Variants in SMIM35 observed in about 807,000 individuals in gnomAD.
SMIM35 encodes TMPRSS4 antisense RNA 1 (non-protein coding).
intron 1 of SMIM35, among the ~76,000 whole-genome samples, chr11:118,033,248 A>G (rs1358499274): frequency 6.6e-6 from 1 of 152,208 alleles, no homozygotes; most frequent in Non-Finnish European, 1.5e-5. Flanking sequence ...CAGACTTCAA[A>G]ACAGTTTTGT....
chr11:118,078,930 T>C (rs746288659), intron 1 of SMIM35, among the ~76,000 whole-genome samples: 1 of 152,106 alleles, frequency 6.6e-6, no homozygotes, highest in African/African-American at 2.4e-5. Flanking sequence ...CTGGAAACCA[T>C]GAAGCCCCGC....
At chr11:118,058,229 T>A (rs941669266) in intron 1 of SMIM35, among the ~76,000 whole-genome samples, 1 of 152,130 alleles carries the variant, frequency 6.6e-6, no homozygotes, top group Non-Finnish European at 1.5e-5. Context: ...AAGCGGAGCA[T>A]GCATTGGCTG....
At chr11:118,034,287 C>A (rs530287975) in intron 1 of SMIM35, among the ~76,000 whole-genome samples, 171 of 151,848 alleles carry the variant, frequency 1.1e-3, no homozygotes, top group African/African-American at 3.7e-3. Flanking sequence ...CACACACACA[C>A]AAAAAAAGAA....
intron 1 of SMIM35, among the ~76,000 whole-genome samples, chr11:118,026,421 T>C (rs2058274155): frequency 6.6e-6 from 1 of 152,244 alleles, no homozygotes; most frequent in African/African-American, 2.4e-5. Context: ...ATCTCTACTA[T>C]ATGAATAATT....
At chr11:118,069,653 T>G (rs1012634745) in intron 1 of SMIM35, among the ~76,000 whole-genome samples, 13 of 152,144 alleles carry the variant, frequency 8.5e-5, no homozygotes, top group Non-Finnish European at 1.3e-4. Flanking sequence ...AAACTTAATC[T>G]CCAATGAATA....
rs182452294 is a variant in SMIM35 at position 118,046,918 on chromosome 11, T to G, written c.8-31109A>C. Among the ~76,000 whole-genome samples the G allele has an allele frequency of 6.8e-4, 104 of 152,310 alleles. 1 individual carries two copies. The highest frequency in any genetic ancestry group is 2.3e-3 in the African/African-American group (96 of 41,572). ...AGAGTCATACTGAACATACTTAAGT[T>G]TAGAGAGAAGGATGTTTAGATTTGA... On this transcript the variant is annotated intron_variant, in intron 1 of 4. Transcript: ENST00000689828.
At chr11:118,023,771 G>A (rs762456446) in intron 1 of SMIM35, among the ~76,000 whole-genome samples, 12 of 152,058 alleles carry the variant, frequency 7.9e-5, no homozygotes, top group Non-Finnish European at 1.6e-4. Context: ...GGTGGCTCAC[G>A]CCTGTAATCC....
chr11:118,020,758 T>C (rs1279434296), intron 1 of SMIM35, among the ~76,000 whole-genome samples: 7 of 150,912 alleles, frequency 4.6e-5, no homozygotes, highest in Non-Finnish European at 1.0e-4. Flanking sequence ...TATTATATTG[T>C]CCGCAAATAA....
At chr11:118,074,511 C>T (rs2135147680) in intron 1 of SMIM35, among the ~76,000 whole-genome samples, 1 of 152,184 alleles carries the variant, frequency 6.6e-6, no homozygotes, top group East Asian at 1.9e-4. Flanking sequence ...CTTTGGGAAA[C>T]CAGAGCGAGT....
intron 1 of SMIM35, among the ~76,000 whole-genome samples, chr11:118,070,674 A>T (rs771746574): frequency 6.6e-6 from 1 of 152,176 alleles, no homozygotes; most frequent in Non-Finnish European, 1.5e-5. Flanking sequence ...ACTCACAAAT[A>T]ATCTGAAATT....
chr11:118,019,798 A>G (rs1256562577), intron 1 of SMIM35, among the ~76,000 whole-genome samples: 2 of 152,080 alleles, frequency 1.3e-5, no homozygotes, highest in Non-Finnish European at 2.9e-5. Flanking sequence ...ATGGAAATTA[A>G]TTTTCCATCC....
At chr11:118,069,700 C>A (rs890703507) in intron 1 of SMIM35, among the ~76,000 whole-genome samples, 1 of 152,140 alleles carries the variant, frequency 6.6e-6, no homozygotes, top group South Asian at 2.1e-4. Context: ...GGGTATTAGG[C>A]CACGAGGGCA....
At chr11:118,080,013 C>A (rs188197428) in intron 1 of SMIM35, among the ~76,000 whole-genome samples, 37 of 152,304 alleles carry the variant, frequency 2.4e-4, no homozygotes, top group Non-Finnish European at 4.7e-4. Flanking sequence ...ACTCCCCCCC[C>A]ACCAAAAGAA....
intron 1 of SMIM35, among the ~76,000 whole-genome samples, chr11:118,064,630 T>A (rs1944441378): frequency 6.6e-6 from 1 of 151,756 alleles, no homozygotes; most frequent in South Asian, 2.1e-4. Context: ...AGATTTTTTG[T>A]TGTTTTTTTC....
intron 1 of SMIM35, among the ~76,000 whole-genome samples, chr11:118,018,570 G>T (rs2058201477): frequency 6.6e-6 from 1 of 152,204 alleles, no homozygotes; most frequent in South Asian, 2.1e-4. Context: ...TGTCAACACA[G>T]CGTCATAGTG....
At chr11:118,044,643 G>C (rs993115427) in intron 1 of SMIM35, among the ~76,000 whole-genome samples, 2 of 151,514 alleles carry the variant, frequency 1.3e-5, no homozygotes, top group Admixed American at 1.3e-4. Context: ...GCGTGGTGGC[G>C]GGCACCTGTA....
chr11:118,019,861 G>C (rs2058211429), intron 1 of SMIM35, among the ~76,000 whole-genome samples: 1 of 152,122 alleles, frequency 6.6e-6, no homozygotes, highest in South Asian at 2.1e-4. Context: ...AGATGTGCCT[G>C]CTTCTTTTTC....
At chr11:118,055,032 T>C (rs1430839997) in intron 1 of SMIM35, among the ~76,000 whole-genome samples, 2 of 152,192 alleles carry the variant, frequency 1.3e-5, no homozygotes, top group Admixed American at 1.3e-4. Context: ...CTCAAATTCC[T>C]GACCTCAAAT....
At chr11:118,042,919 T>C (rs920638624) in intron 1 of SMIM35, among the ~76,000 whole-genome samples, 3 of 152,130 alleles carry the variant, frequency 2.0e-5, no homozygotes, top group Non-Finnish European at 2.9e-5. Context: ...TCTCAATAGA[T>C]GCAAAAAAAG....
Sources: gnomAD v4.1 joint callset for allele counts (sites outside exome capture counted in the v4.1 genomes callset) on GRCh38, gnomAD v4.1.1 for gene constraint, MANE v1.5 for transcripts, NCBI Gene and HGNC (gene_info 2026-07-23, HGNC 2026-07-21) for gene names.